The following LCK variants were observed in gnomAD, a reference collection of about 807,000 sequenced individuals.
LCK encodes the protein LCK proto-oncogene, Src family tyrosine kinase.
LCK carries 14 observed loss-of-function variants against 64.6 expected under a neutral mutation model. The ratio of observed to expected loss-of-function variants is 0.22; its 90% CI spans 0.14 to 0.34. The LOEUF (loss-of-function observed/expected upper bound fraction) is 0.34, where lower values mean the gene tolerates loss of function less well. Ranked by LOEUF, LCK falls within the 10% of genes least tolerant of loss-of-function variation. The pLI is 1.00. For missense variants in LCK, 434 were observed against 668.1 expected (o/e 0.65, Z 3.86); for synonymous variants, 277 against 263.6 (o/e 1.05, Z -0.49).
intron 12 of LCK, among the ~76,000 whole-genome samples, chr1:32,283,609 A>C (rs78018836): frequency 0.03 from 4,602 of 152,222 alleles, 93 homozygotes; most frequent in South Asian, 0.066. Flanking sequence ...AGCCTGCCAG[A>C]GGGGCCAGGA....
chr1:32,272,951 A>ATG (rs1180843863), intron 1 of LCK, among the ~76,000 whole-genome samples: 7 of 107,096 alleles, frequency 6.5e-5, no homozygotes, highest in African/African-American at 8.1e-5. Context: ...GGAGGGGAGA[A>ATG]TGTGTGTGTG....
At chr1:32,284,844 T>C (rs1177805360) in intron 12 of LCK, among the ~76,000 whole-genome samples, 1 of 152,150 alleles carries the variant, frequency 6.6e-6, no homozygotes, top group Non-Finnish European at 1.5e-5. Context: ...GGGAAGCAGG[T>C]TGTGGTGGTG....
intron 1 of LCK, among the ~76,000 whole-genome samples, chr1:32,261,443 C>G (rs1421126931): frequency 6.8e-6 from 1 of 147,954 alleles, no homozygotes; most frequent in East Asian, 2.0e-4. Context: ...GTCAGGAGTT[C>G]AAGACCAGCC....
At chr1:32,258,424 T>C (rs960559701) in intron 1 of LCK, among the ~76,000 whole-genome samples, 4 of 146,712 alleles carry the variant, frequency 2.7e-5, no homozygotes, top group African/African-American at 5.1e-5. Context: ...GCTACAATCA[T>C]GTGCTGTACT....
chr1:32,276,614 C>G lies in LCK; in HGVS notation c.792C>G (p.Tyr264Ter). 1 of 1,611,204 alleles carries G rather than the reference C, an allele frequency of 6.2e-7. No individual in the cohort carries two copies. The highest frequency in any genetic ancestry group is 8.5e-7 in the Non-Finnish European group (1 of 1,178,392). ...TTCCCTTCCCCGACCCAGGGTACTA[C>G]AACGGGCACACGAAGGTGGCGGTGA... ...GQFGEVWMGYYNGHTKVAVKS... is the reference protein window; with the variant it reads ...GQFGEVWMGY Residue 264 changes from tyrosine to a stop codon, truncating the protein, a stop_gained, in exon 9 of 13, where the codon TAC becomes TAG. Coordinates refer to ENST00000336890, the MANE Select transcript of LCK (RefSeq NM_005356.5). LOFTEE classifies it high-confidence loss of function. This position sits in a 1 kb window ranked among gnomAD's most constrained non-coding sequence, Gnocchi z 4.6.
intron 1 of LCK, 118 bp from the exon 2 acceptor site, chr1:32,274,207 C>T: frequency 1.3e-6 from 2 of 1,551,974 alleles, no homozygotes; most frequent in Non-Finnish European, 1.7e-6. Flanking sequence ...AATGGGGATC[C>T]CAGGATCTCA....
intron 1 of LCK, 175 bp from the exon 2 acceptor site, chr1:32,274,150 C>G (rs1236270457): frequency 5.8e-6 from 8 of 1,377,016 alleles, no homozygotes; most frequent in African/African-American, 2.9e-5. Flanking sequence ...AGAGGGAGCA[C>G]CGGTTTGGAG....
At position 32,282,041 on chromosome 1, in the gene LCK, G is replaced by A. The variant is rs187051414; in HGVS notation, c.1327+1831G>A. On this transcript the variant is annotated intron_variant, in intron 12 of 12. Transcript: ENST00000336890. ...GCTGAGATCATGCCACCGCACTCCA[G>A]CCTGGGTGACAAAGTGAGACTCTGT... Among the ~76,000 whole-genome samples the A allele has an allele frequency of 2.1e-3, 314 of 152,288 alleles. 1 individual carries two copies. The highest frequency in any genetic ancestry group is 0.017 in the Middle Eastern group (5 of 294).
Position 32,276,624 on chromosome 1 carries a change from A to G in LCK, c.802A>G (p.Thr268Ala). 6.2e-7 allele frequency: 1 copy of G among 1,612,534 alleles called. No homozygotes were observed. The highest frequency in any genetic ancestry group is 8.5e-7 in the Non-Finnish European group (1 of 1,179,138). The change falls in exon 9 of 13, where the codon ACG becomes GCG. Residue 268 changes from threonine to alanine, a missense_variant. By Grantham distance (58) the Thr-to-Ala change is moderately conservative. Around this residue, in one of 2 missense-constraint regions of LCK, gnomAD observed 201 missense variants for 376.9 expected, o/e 0.53. Coordinates refer to ENST00000336890, the MANE Select transcript of LCK (RefSeq NM_005356.5). The surrounding 1 kb of genome is among the most constrained non-coding windows in gnomAD (Gnocchi z 4.6). ...CGACCCAGGGTACTACAACGGGCAC[A>G]CGAAGGTGGCGGTGAAGAGCCTGAA... Reference protein sequence around the residue: ...EVWMGYYNGHTKVAVKSLKQG... With the variant: ...EVWMGYYNGHAKVAVKSLKQG...
At chr1:32,279,634 G>A (rs1310283469) in intron 9 of LCK, 37 bp from the exon 10 acceptor site, 1 of 1,613,808 alleles carries the variant, frequency 6.2e-7, no homozygotes, top group Non-Finnish European at 8.5e-7. Context: ...CTCCCCCTGG[G>A]GCAACTTGGG....
intron 3 of LCK, 62 bp downstream of exon 3, chr1:32,274,880 C>T (rs747936737): frequency 7.4e-6 from 12 of 1,613,720 alleles, no homozygotes; most frequent in Admixed American, 1.7e-5. Flanking sequence ...TTGGCTTCCA[C>T]CTCTCCCCCA....
chr1:32,268,968 A>C (rs928478886), intron 1 of LCK, among the ~76,000 whole-genome samples: 29 of 147,006 alleles, frequency 2.0e-4, no homozygotes, highest in Admixed American at 1.2e-3. Flanking sequence ...AAAAATACAA[A>C]ACACAAAATA....
Position 32,285,554 on chromosome 1 carries a change from C to T in LCK, c.1368C>T (p.Gly456=), listed in dbSNP as rs769890517. The change falls in exon 13 of 13, where the codon GGC becomes GGT. Residue 456 remains glycine, a synonymous_variant. Coordinates refer to ENST00000336890, the MANE Select transcript of LCK (RefSeq NM_005356.5). The part of the protein sequence containing the change: ...NPEVIQNLER[G]YRMVRPDNCP... ...AGGTGATTCAGAACCTGGAGCGAGG[C>T]TACCGCATGGTGCGCCCTGACAACT... is the stretch of plus-strand genomic sequence containing the variant. 6.2e-7 allele frequency: 1 copy of T among 1,614,118 alleles called. No individual in the cohort carries two copies. Among genetic ancestry groups the T allele is most frequent in the African/African-American group, 1.3e-5 (1 of 74,938 alleles).
chr1:32,277,350 C>T (rs572162052), intron 9 of LCK, among the ~76,000 whole-genome samples: 18 of 152,240 alleles, frequency 1.2e-4, no homozygotes, highest in Admixed American at 5.9e-4. Flanking sequence ...CCCTGACCTG[C>T]CATTCTGTTT....
At chr1:32,263,895 C>A (rs1027145242) in intron 1 of LCK, among the ~76,000 whole-genome samples, 5 of 150,922 alleles carry the variant, frequency 3.3e-5, no homozygotes, top group African/African-American at 9.8e-5. Context: ...CCAGCCTGTG[C>A]GACAGAGCAA....
chr1:32,263,143 G>A (rs1261045205), intron 1 of LCK, among the ~76,000 whole-genome samples: 4 of 152,104 alleles, frequency 2.6e-5, no homozygotes, highest in African/African-American at 9.7e-5. Context: ...TGTCATCCCA[G>A]CACTTTGGGA....
At chr1:32,254,905 T>C (rs981665270) in intron 1 of LCK, among the ~76,000 whole-genome samples, 5 of 152,158 alleles carry the variant, frequency 3.3e-5, no homozygotes, top group Non-Finnish European at 4.4e-5. Context: ...TCCTAGCACT[T>C]TGGGGGGCCG....
In LCK at chr1:32,285,960, T is replaced by C; in HGVS notation, c.*244T>C. On this transcript the variant is annotated 3_prime_UTR_variant, in exon 13 of 13. Coordinates refer to ENST00000336890, the MANE Select transcript of LCK (RefSeq NM_005356.5). ...TTGGACACTGTACAAGGTACCCCTT[T>C]CTGGCTCTCCCATTTCCTGAGACCA... 1.9e-6 allele frequency: 1 copy of C among 515,134 alleles called. No individual in the cohort carries two copies. The highest frequency in any genetic ancestry group is 2.8e-5 in the South Asian group (1 of 35,824). 31.9% of individuals were successfully genotyped at this position (515,134 alleles called of 1,614,324 possible). A position where few individuals can be genotyped will look rare whatever the true frequency, so the allele number is the denominator to read the frequency against.
chr1:32,285,597 C>T lies in LCK; in HGVS notation c.1411C>T (p.Gln471Ter). The T allele has an allele frequency of 6.2e-7, 1 of 1,614,212 alleles. No individual in the cohort carries two copies. Among genetic ancestry groups the T allele is most frequent in the Non-Finnish European group, 8.5e-7 (1 of 1,180,042 alleles). The change falls in exon 13 of 13, where the codon CAA becomes TAA. Residue 471 changes from glutamine (Q) to a stop codon, truncating the protein, a stop_gained. Coordinates refer to ENST00000336890, the MANE Select transcript of LCK (RefSeq NM_005356.5). LOFTEE classifies it high-confidence loss of function. ...RPDNCPEELY[Q>*]LMRLCWKERP... is the part of the protein sequence containing the mutation. ...TGACAACTGTCCAGAGGAGCTGTAC[C>T]AACTCATGAGGCTGTGCTGGAAGGA...
Sources: gnomAD v4.1 joint callset for allele counts (sites outside exome capture counted in the v4.1 genomes callset) on GRCh38, gnomAD v4.1.1 for gene constraint, gnomAD v4.1.1 regional missense constraint, Gnocchi (gnomAD v3.1) non-coding constraint, MANE v1.5 for transcripts, NCBI Gene and HGNC (gene_info 2026-07-23, HGNC 2026-07-21) for gene names.